Variants in C1QTNF3 observed in about 807,000 individuals in gnomAD.
C1QTNF3 encodes the protein complement C1q tumor necrosis factor-related protein 3.
In C1QTNF3, 26 loss-of-function variants were observed where a neutral mutation model predicts 32.6. The ratio of observed to expected loss-of-function variants is 0.80; its 90% CI spans 0.58 to 1.11. C1QTNF3 has a LOEUF of 1.11. C1QTNF3 is among the 50% of genes least tolerant of loss of function. The pLI, the probability that C1QTNF3 is intolerant of heterozygous loss-of-function variation, is 0.00. For missense variants in C1QTNF3, 362 were observed against 398.2 expected, an observed-to-expected ratio of 0.91 and a Z score of 0.77; for synonymous variants, 155 against 146.0, an observed-to-expected ratio of 1.06 and a Z score of -0.44.
chr5:34,074,461 T>C, the C1QTNF3 span, among the ~76,000 whole-genome samples: 1 of 151,740 alleles, frequency 6.6e-6, no homozygotes, highest in South Asian at 2.1e-4. Context: ...TGTCTGCTGT[T>C]TCCTTCCCAA....
rs72743384 is a variant in C1QTNF3 at position 34,032,473 on chromosome 5, A to T, written c.570+831T>A. Among the ~76,000 whole-genome samples the T allele has an allele frequency of 6.4e-3, 969 of 152,354 alleles. 3 individuals carry two copies. The highest frequency in any genetic ancestry group is 9.3e-3 in the Non-Finnish European group (631 of 68,040). ...CTGAAATTCTCCATTGATAAAGAAG[A>T]TTCTGACAAGAAAAGCTCAAGTAAA... On this transcript the variant is annotated intron_variant, in intron 3 of 5. Coordinates refer to ENST00000382065, the MANE Select transcript of C1QTNF3 (RefSeq NM_181435.6).
At chr5:34,113,619 AT>A in the C1QTNF3 span, among the ~76,000 whole-genome samples, 1 of 152,164 alleles carries the variant, frequency 6.6e-6, no homozygotes, top group Non-Finnish European at 1.5e-5. Context: ...TAAAAAATAT[AT>A]TTAATTTTTA....
At chr5:34,203,045 G>A in the C1QTNF3 span, among the ~76,000 whole-genome samples, 16 of 152,184 alleles carry the variant, frequency 1.1e-4, no homozygotes, top group African/African-American at 1.9e-4. Flanking sequence ...GAGGGAATTC[G>A]TCACCACTAA....
chr5:34,214,052 C>G, the C1QTNF3 span, among the ~76,000 whole-genome samples: 1 of 150,182 alleles, frequency 6.7e-6, no homozygotes, highest in Non-Finnish European at 1.5e-5. Context: ...CTCAAGTGAT[C>G]TACCCCCTCG....
the C1QTNF3 span, among the ~76,000 whole-genome samples, chr5:34,063,071 C>T: frequency 3.2e-3 from 483 of 152,026 alleles, 3 homozygotes; most frequent in African/African-American, 0.011. Flanking sequence ...TCAGGCTAAG[C>T]CCTTGTTTAC....
intron 4 of C1QTNF3, among the ~76,000 whole-genome samples, chr5:34,027,226 C>T (rs920639701): frequency 2.0e-5 from 3 of 152,154 alleles, no homozygotes; most frequent in African/African-American, 7.2e-5. Flanking sequence ...CTTGAAAGCA[C>T]ATTTTGTTGA....
chr5:34,062,690 G>C, the C1QTNF3 span, among the ~76,000 whole-genome samples: 1 of 152,134 alleles, frequency 6.6e-6, no homozygotes, highest in Non-Finnish European at 1.5e-5. Context: ...GTCCTGTCCT[G>C]AAGGGAGTTC....
chr5:34,157,953 A>G, the C1QTNF3 span, among the ~76,000 whole-genome samples: 1 of 152,126 alleles, frequency 6.6e-6, no homozygotes, highest in African/African-American at 2.4e-5. Flanking sequence ...TCAAAAATCT[A>G]CATTTCAATG....
chr5:34,074,622 C>G, the C1QTNF3 span, among the ~76,000 whole-genome samples: 1 of 151,832 alleles, frequency 6.6e-6, no homozygotes, highest in South Asian at 2.1e-4. Context: ...TCACGTAAAG[C>G]AAATGCTCTT....
At chr5:34,057,341 A>G in the C1QTNF3 span, among the ~76,000 whole-genome samples, 1 of 152,192 alleles carries the variant, frequency 6.6e-6, no homozygotes. Context: ...TGTGTGACTC[A>G]GAGTCACTTA....
the C1QTNF3 span, among the ~76,000 whole-genome samples, chr5:34,082,783 C>T: frequency 6.6e-6 from 1 of 151,732 alleles, no homozygotes; most frequent in Non-Finnish European, 1.5e-5. Flanking sequence ...CGTAATTATA[C>T]AGCAAATGAG....
At chr5:34,161,171 C>T in the C1QTNF3 span, among the ~76,000 whole-genome samples, 1 of 152,146 alleles carries the variant, frequency 6.6e-6, no homozygotes, top group Non-Finnish European at 1.5e-5. Flanking sequence ...ATATGGCTCT[C>T]GCATTAAGTT....
At chr5:34,025,083 G>C (rs1209867182) in intron 4 of C1QTNF3, among the ~76,000 whole-genome samples, 2 of 152,212 alleles carry the variant, frequency 1.3e-5, no homozygotes, top group East Asian at 3.8e-4. Flanking sequence ...GCTTTGTCTA[G>C]TGCCAGGAAT....
At chr5:34,116,744 G>A in the C1QTNF3 span, among the ~76,000 whole-genome samples, 1 of 151,744 alleles carries the variant, frequency 6.6e-6, no homozygotes, top group Admixed American at 6.6e-5. Flanking sequence ...ACAAGCGCCT[G>A]ACACCACGCC....
the C1QTNF3 span, among the ~76,000 whole-genome samples, chr5:34,181,032 TC>T: frequency 1.3e-5 from 2 of 151,724 alleles, no homozygotes; most frequent in African/African-American, 4.9e-5. Flanking sequence ...CACCTCAGCC[TC>T]CCAAACTGCT....
In C1QTNF3 at chr5:34,029,592, C is replaced by A. The variant is rs151030032; in HGVS notation, c.571-709G>T. ...AAGATCATTATTATCTGATACCAGC[C>A]TTTATTAACTGTGTCTGTGTGGATG... On this transcript the variant is annotated intron_variant, in intron 3 of 5. Coordinates refer to ENST00000382065, the MANE Select transcript of C1QTNF3 (RefSeq NM_181435.6). Among the ~76,000 whole-genome samples the A allele has an allele frequency of 5.4e-3, 818 of 152,274 alleles. 9 individuals are homozygous for A. The highest frequency in any genetic ancestry group is 0.019 in the African/African-American group (792 of 41,562).
the C1QTNF3 span, among the ~76,000 whole-genome samples, chr5:34,139,623 A>G: frequency 6.6e-6 from 1 of 152,166 alleles, no homozygotes; most frequent in South Asian, 2.1e-4. Flanking sequence ...TTTACTTGAC[A>G]AACTGCATCA....
chr5:34,046,658 A>G (rs950146844), upstream of C1QTNF3, among the ~76,000 whole-genome samples: 11 of 152,206 alleles, frequency 7.2e-5, no homozygotes, highest in Non-Finnish European at 1.2e-4. Context: ...GTGACACAAT[A>G]AATTTCACTG....
At chr5:34,208,870 A>G in the C1QTNF3 span, among the ~76,000 whole-genome samples, 2 of 152,160 alleles carry the variant, frequency 1.3e-5, no homozygotes, top group African/African-American at 4.8e-5. Flanking sequence ...ACAGCCTAAC[A>G]TATTTATTGA....
Sources: allele counts gnomAD v4.1 joint callset (sites outside exome capture counted in the v4.1 genomes callset), GRCh38; gene constraint gnomAD v4.1.1; transcripts MANE v1.5; gene names NCBI Gene and HGNC (gene_info 2026-07-23, HGNC 2026-07-21).